Variants in GREM2 observed in about 807,000 individuals in gnomAD.
The protein encoded by GREM2 is gremlin-2.
A neutral mutation model predicts 14.2 loss-of-function variants in GREM2; 11 were observed. The observed-to-expected ratio is 0.78, with a 90% CI of 0.49 to 1.28. The LOEUF (loss-of-function observed/expected upper bound fraction) is 1.28, where lower values mean the gene tolerates loss of function less well. Among genes scored for constraint, GREM2 ranks in the 50% most tolerant of loss-of-function variants. The pLI is 0.00. For missense variants in GREM2, 210 were observed against 218.5 expected (o/e 0.96, Z 0.24); for synonymous variants, 98 against 97.6 (o/e 1.00, Z -0.02).
rs1225049441 is a variant in GREM2 at position 240,491,664 on chromosome 1, TC to T, written c.*1304del. On this transcript the variant is annotated 3_prime_UTR_variant, in exon 2 of 2. Transcript: ENST00000318160. ...CTATTCTATATCTTTTATTCCTTAC[TC>T]CCTTCTATACCACAAAGCGACTCAA... 1.3e-5 allele frequency: 2 copies of T among 152,642 alleles called. No individual in the cohort carries two copies. Among genetic ancestry groups the T allele is most frequent in the Non-Finnish European group, 2.9e-5 (2 of 68,046 alleles). The allele number at this position is 152,642 out of a possible 1,614,324, so 9.5% of individuals were successfully genotyped here.
chr1:240,498,266 T>C (rs1442841166), intron 1 of GREM2, among the ~76,000 whole-genome samples: 1 of 152,178 alleles, frequency 6.6e-6, no homozygotes, highest in Non-Finnish European at 1.5e-5. Flanking sequence ...AATGCAAACC[T>C]TCAACTTTCA....
intron 1 of GREM2, among the ~76,000 whole-genome samples, chr1:240,590,929 G>A (rs182497659): frequency 1.6e-4 from 24 of 152,008 alleles, no homozygotes; most frequent in Non-Finnish European, 2.2e-4. Context: ...TTACAGGCAC[G>A]CGCCTCCATG....
In GREM2 at chr1:240,604,691, C is replaced by T. The variant is rs148448283; in HGVS notation, c.-2+7193G>A. Among the ~76,000 whole-genome samples, 658 of 152,278 alleles carry T rather than the reference C, an allele frequency of 4.3e-3. 4 individuals are homozygous for T. The highest frequency in any genetic ancestry group is 0.015 in the African/African-American group (619 of 41,540). ...CACCAAAGTAGGCTGGGCATGGTGG[C>T]TCCCGCCTATAATCCCAGCACTTTG... On this transcript the variant is annotated intron_variant, in intron 1 of 1. Coordinates refer to ENST00000318160, the MANE Select transcript of GREM2 (RefSeq NM_022469.4).
intron 1 of GREM2, among the ~76,000 whole-genome samples, chr1:240,575,399 G>C (rs990379013): frequency 6.6e-6 from 1 of 152,054 alleles, no homozygotes; most frequent in Admixed American, 6.6e-5. Context: ...GACTGGGTTG[G>C]GGGGTGGGGG....
chr1:240,538,782 C>T (rs751065675), intron 1 of GREM2, among the ~76,000 whole-genome samples: 3 of 152,074 alleles, frequency 2.0e-5, no homozygotes, highest in African/African-American at 4.8e-5. Context: ...TGTATGTACT[C>T]GACTAATACC....
chr1:240,527,689 A>G (rs534061016), intron 1 of GREM2, among the ~76,000 whole-genome samples: 1 of 152,300 alleles, frequency 6.6e-6, no homozygotes, highest in East Asian at 1.9e-4. Context: ...CTAAACTATA[A>G]TGTTCATGAT....
chr1:240,561,656 G>C (rs936348254), intron 1 of GREM2, among the ~76,000 whole-genome samples: 1 of 150,752 alleles, frequency 6.6e-6, no homozygotes, highest in Non-Finnish European at 1.5e-5. Context: ...TGAAAACTTA[G>C]GGAATTTTGT....
At chr1:240,493,516 G>T in intron 1 of GREM2, 40 bp from the exon 2 acceptor site, 2 of 1,535,620 alleles carry the variant, frequency 1.3e-6, no homozygotes, top group Non-Finnish European at 1.8e-6. Flanking sequence ...GTGAAGGGCC[G>T]TAGAGTACGG....
chr1:240,515,076 T>C (rs976504121), intron 1 of GREM2, among the ~76,000 whole-genome samples: 2 of 152,106 alleles, frequency 1.3e-5, no homozygotes, highest in Non-Finnish European at 2.9e-5. Context: ...GTAGAAACCA[T>C]ACCTATAAGC....
At chr1:240,495,750 A>G (rs1677398387) in intron 1 of GREM2, among the ~76,000 whole-genome samples, 1 of 152,098 alleles carries the variant, frequency 6.6e-6, no homozygotes, top group Non-Finnish European at 1.5e-5. Flanking sequence ...TTACGTTAAA[A>G]TATCTATGCT....
chr1:240,593,964 T>C (rs371992130), intron 1 of GREM2, among the ~76,000 whole-genome samples: 1 of 151,972 alleles, frequency 6.6e-6, no homozygotes, highest in African/African-American at 2.4e-5. Context: ...TGTTTGTTTG[T>C]TTGTTTTGAG....
intron 1 of GREM2, among the ~76,000 whole-genome samples, chr1:240,560,801 G>A (rs933785497): frequency 3.3e-5 from 5 of 152,060 alleles, no homozygotes; most frequent in Admixed American, 1.3e-4. Context: ...GTCTCTAGCC[G>A]TACCTTCTCC....
chr1:240,499,437 C>T (rs1214530648), intron 1 of GREM2, among the ~76,000 whole-genome samples: 1 of 152,172 alleles, frequency 6.6e-6, no homozygotes, highest in Non-Finnish European at 1.5e-5. Flanking sequence ...ATAGGCACAT[C>T]TGGGATAAAC....
chr1:240,601,912 CAAAAAA>C (rs58182251), intron 1 of GREM2, among the ~76,000 whole-genome samples: 1 of 96,412 alleles, frequency 1.0e-5, no homozygotes, highest in Non-Finnish European at 2.1e-5. Context: ...GAATCCATCT[CAAAAAA>C]AAAAAAAAAA....
chr1:240,539,072 T>C (rs1367427409), intron 1 of GREM2, among the ~76,000 whole-genome samples: 1 of 152,204 alleles, frequency 6.6e-6, no homozygotes, highest in Non-Finnish European at 1.5e-5. Context: ...AATTTCAGAA[T>C]TAGAGACATT....
chr1:240,509,647 C>T (rs1006339083), intron 1 of GREM2, among the ~76,000 whole-genome samples: 9 of 152,224 alleles, frequency 5.9e-5, no homozygotes, highest in South Asian at 2.1e-4. Context: ...GGATTACAGG[C>T]ATGAGCCACT....
At chr1:240,544,447 A>T (rs1054223365) in intron 1 of GREM2, among the ~76,000 whole-genome samples, 1 of 152,078 alleles carries the variant, frequency 6.6e-6, no homozygotes, top group Non-Finnish European at 1.5e-5. Context: ...GCGCCTGGCC[A>T]GTACTAGGCC....
intron 1 of GREM2, among the ~76,000 whole-genome samples, chr1:240,591,016 A>G (rs754690859): frequency 6.7e-6 from 1 of 148,720 alleles, no homozygotes; most frequent in Non-Finnish European, 1.5e-5. Flanking sequence ...GCCTGACCTC[A>G]TGATCTGCCC....
At chr1:240,536,812 G>A (rs1158324173) in intron 1 of GREM2, among the ~76,000 whole-genome samples, 1 of 152,202 alleles carries the variant, frequency 6.6e-6, no homozygotes, top group Non-Finnish European at 1.5e-5. Context: ...CATAATGTGA[G>A]ATTTAAAAGA....
Sources: gnomAD v4.1 joint callset for allele counts (sites outside exome capture counted in the v4.1 genomes callset) on GRCh38, gnomAD v4.1.1 for gene constraint, MANE v1.5 for transcripts, NCBI Gene and HGNC (gene_info 2026-07-23, HGNC 2026-07-21) for gene names.